The following CUL1 variants were observed in gnomAD, a reference collection of about 807,000 sequenced individuals.
CUL1 encodes the protein cullin 1, also known as cullin-1.
In CUL1, 24 loss-of-function variants were observed where a neutral mutation model predicts 118.0. The observed-to-expected ratio is 0.20, with a 90% CI of 0.15 to 0.29. The LOEUF (loss-of-function observed/expected upper bound fraction) is 0.29. Ranked by LOEUF, CUL1 falls within the 10% of genes least tolerant of loss-of-function variation. CUL1 has a pLI of 1.00. For missense variants in CUL1, 361 were observed against 933.8 expected, an observed-to-expected ratio of 0.39 and a Z score of 7.99; for synonymous variants, 332 against 340.4, an observed-to-expected ratio of 0.98 and a Z score of 0.27.
chr7:148,728,638 C>G (rs1798660779), intron 1 of CUL1, among the ~76,000 whole-genome samples: 2 of 152,182 alleles, frequency 1.3e-5, no homozygotes, highest in South Asian at 2.1e-4. Flanking sequence ...TTTTTATATT[C>G]CACATTTGAA....
chr7:148,733,590 G>A (rs143973318), intron 2 of CUL1, among the ~76,000 whole-genome samples: 81 of 152,310 alleles, frequency 5.3e-4, no homozygotes, highest in African/African-American at 1.9e-3. Flanking sequence ...CTTGCTCGCT[G>A]TGACATCTAA....
intron 1 of CUL1, among the ~76,000 whole-genome samples, chr7:148,723,965 G>A (rs1798478994): frequency 6.6e-6 from 1 of 152,128 alleles, no homozygotes; most frequent in South Asian, 2.1e-4. Context: ...CACTTATCAA[G>A]ACCTCTGAAG....
At chr7:148,768,411 G>A (rs528310274) in intron 9 of CUL1, among the ~76,000 whole-genome samples, 57 of 116,934 alleles carry the variant, frequency 4.9e-4, no homozygotes, top group African/African-American at 1.5e-3. Flanking sequence ...TTGAGAAGGC[G>A]TCTTGCTCTC....
intron 4 of CUL1, among the ~76,000 whole-genome samples, chr7:148,757,631 G>GT (rs750182628): frequency 1.3e-5 from 2 of 152,132 alleles, no homozygotes; most frequent in African/African-American, 2.4e-5. Flanking sequence ...AATGAAAGGG[G>GT]TTTTTTTGGT....
intron 19 of CUL1, 35 bp from the exon 20 acceptor site, chr7:148,798,537 A>G (rs750217536): frequency 4.7e-6 from 7 of 1,505,128 alleles, no homozygotes; most frequent in South Asian, 1.1e-5. Flanking sequence ...ACCTTTTAAT[A>G]TAATAGTGAT....
intron 1 of CUL1, among the ~76,000 whole-genome samples, chr7:148,712,589 A>G (rs1311332171): frequency 6.6e-6 from 1 of 152,242 alleles, no homozygotes; most frequent in East Asian, 1.9e-4. Flanking sequence ...AATTGCATAG[A>G]TATTAGAAAC....
intron 1 of CUL1, among the ~76,000 whole-genome samples, chr7:148,699,544 T>G (rs980297923): frequency 6.6e-6 from 1 of 152,064 alleles, no homozygotes; most frequent in African/African-American, 2.4e-5. Flanking sequence ...CCCTGTGAGC[T>G]CTGGGCTCAA....
chr7:148,707,199 A>AT (rs1198870214), intron 1 of CUL1, among the ~76,000 whole-genome samples: 29 of 152,158 alleles, frequency 1.9e-4, no homozygotes, highest in Non-Finnish European at 4.3e-4. Context: ...TAGAGATTTG[A>AT]TATGGAGTGA....
At chr7:148,770,044 G>T (rs1800157005) in intron 9 of CUL1, among the ~76,000 whole-genome samples, 1 of 152,206 alleles carries the variant, frequency 6.6e-6, no homozygotes. Flanking sequence ...TCAGCTGCCT[G>T]ATATTTTAGG....
intron 7 of CUL1, among the ~76,000 whole-genome samples, chr7:148,765,260 T>C (rs967349223): frequency 2.0e-5 from 3 of 152,260 alleles, no homozygotes; most frequent in Admixed American, 6.5e-5. Context: ...TTTTTCATTT[T>C]ATTTTTTCTT....
chr7:148,759,639 GTAAA>G lies in CUL1; in HGVS notation c.625+5_625+8del. On this transcript the variant is annotated splice_donor_variant and splice_donor_5th_base_variant and intron_variant, in intron 6 of 21. Transcript: ENST00000325222. LOFTEE classifies it high-confidence loss of function. ...ATTAGTGGAGTTGTACAGTCTTACG[GTAAA>G]TAATTTCCCTTTAGTTTATTCAAAG... The G allele has an allele frequency of 1.3e-6, 2 of 1,563,950 alleles. No homozygotes were observed. Among genetic ancestry groups the G allele is most frequent in the South Asian group, 2.4e-5 (2 of 84,390 alleles).
chr7:148,796,894 G>A lies in CUL1; in HGVS notation c.1900-918G>A, dbSNP rs555795761. On this transcript the variant is annotated intron_variant, in intron 17 of 21. Transcript: ENST00000325222. ...TGGGTCAGTTACTAGACTAGAGAGA[G>A]GCCTCTCGCTTTGACAGCTTTCACC... Among the ~76,000 whole-genome samples, 17 of 152,290 alleles carry A rather than the reference G, an allele frequency of 1.1e-4. No individual in the cohort carries two copies. The East Asian group carries it at 3.1e-3, about 28-fold the overall frequency.
intron 1 of CUL1, among the ~76,000 whole-genome samples, chr7:148,706,550 AAC>A (rs927517984): frequency 1.3e-5 from 2 of 152,046 alleles, no homozygotes; most frequent in African/African-American, 2.4e-5. Context: ...AGGGACTCAA[AAC>A]ACACAAAGGG....
At chr7:148,769,027 A>G (rs140004278) in intron 9 of CUL1, among the ~76,000 whole-genome samples, 23 of 152,232 alleles carry the variant, frequency 1.5e-4, no homozygotes, top group East Asian at 3.9e-4. Flanking sequence ...TTAAGTACAG[A>G]GTCCTCAGTG....
chr7:148,712,813 T>C (rs1798091866), intron 1 of CUL1, among the ~76,000 whole-genome samples: 1 of 152,228 alleles, frequency 6.6e-6, no homozygotes, highest in Admixed American at 6.5e-5. Context: ...GAGCCAGAAC[T>C]GTGAAGTTCA....
At position 148,764,568 on chromosome 7, in the gene CUL1, G is replaced by C. The variant is rs974687654; in HGVS notation, c.790-1993G>C. Among the ~76,000 whole-genome samples, 21 of 152,260 alleles carry C rather than the reference G, an allele frequency of 1.4e-4. 1 individual carries two copies. Among genetic ancestry groups the C allele is most frequent in the Admixed American group, 1.2e-3 (18 of 15,290 alleles). ...GCATCAAAGCCTAATCTTTCATCTC[G>C]GAAGGGGTAAAACTATGTTTTGCTG... On this transcript the variant is annotated intron_variant, in intron 7 of 21. Coordinates refer to ENST00000325222, the MANE Select transcript of CUL1 (RefSeq NM_003592.3).
At chr7:148,726,991 A>G (rs1798607552) in intron 1 of CUL1, among the ~76,000 whole-genome samples, 1 of 152,164 alleles carries the variant, frequency 6.6e-6, no homozygotes, top group Non-Finnish European at 1.5e-5. Context: ...CAGCCTGGGC[A>G]ACAGAGTGAT....
Position 148,734,192 on chromosome 7 carries a change from C to T in CUL1, c.140+3930C>T, listed in dbSNP as rs536557339. On this transcript the variant is annotated intron_variant, in intron 2 of 21. Coordinates refer to ENST00000325222, the MANE Select transcript of CUL1 (RefSeq NM_003592.3). ...TGTGAGTCTGTCTGTTAAGCGCTTC[C>T]AACTATTCACTTCTAGTTTTCTATG... 9.9e-5 allele frequency among the ~76,000 whole-genome samples: 15 copies of T among 152,270 alleles called. No homozygotes were observed. The East Asian group carries it at 2.9e-3, about 29-fold the overall frequency.
chr7:148,793,756 C>T (rs891588051), intron 17 of CUL1, among the ~76,000 whole-genome samples: 1 of 152,138 alleles, frequency 6.6e-6, no homozygotes, highest in African/African-American at 2.4e-5. Context: ...TTTCAATTTT[C>T]CTGGGTATAT....
Sources: gnomAD v4.1 joint callset for allele counts (sites outside exome capture counted in the v4.1 genomes callset) on GRCh38, gnomAD v4.1.1 for gene constraint, MANE v1.5 for transcripts, NCBI Gene and HGNC (gene_info 2026-07-23, HGNC 2026-07-21) for gene names.